The following PDIA4 variants were observed in gnomAD, a reference collection of about 807,000 sequenced individuals.
PDIA4 encodes the protein protein disulfide-isomerase A4.
In PDIA4, 33 loss-of-function variants were observed where a neutral mutation model predicts 62.1. The observed-to-expected ratio is 0.53, with a 90% confidence interval of 0.40 to 0.71. The LOEUF (loss-of-function observed/expected upper bound fraction) is 0.71. Among genes scored for constraint, PDIA4 ranks in the 30% least tolerant of loss-of-function variants. The probability of loss-of-function intolerance (pLI) is 0.00; values close to 1 mark genes in which losing one functional copy is unlikely to be tolerated. For missense variants in PDIA4, 804 were observed against 813.6 expected (o/e 0.99, Z 0.14); for synonymous variants, 341 against 324.1 (o/e 1.05, Z -0.56).
chr7:149,014,026 C>A (rs1824042304), intron 4 of PDIA4, among the ~76,000 whole-genome samples: 1 of 152,002 alleles, frequency 6.6e-6, no homozygotes, highest in African/African-American at 2.4e-5. Flanking sequence ...GTCCCAGACG[C>A]TTCCTTCCTT....
Position 149,008,266 on chromosome 7 carries a change from T to C in PDIA4, c.1024A>G (p.Thr342Ala). The C allele has an allele frequency of 1.9e-6, 3 of 1,614,042 alleles. No homozygotes were observed. The highest frequency in any genetic ancestry group is 2.5e-6 in the Non-Finnish European group (3 of 1,179,936). Residue 342 changes from threonine (T) to alanine (A), a missense_variant, in exon 7 of 10, where the codon ACA becomes GCA. Thr to Ala is a moderately conservative substitution (Grantham distance 58). Coordinates refer to ENST00000652332, the MANE Select transcript of PDIA4 (RefSeq NM_004911.5). ...ACTTTCAAGAACTTTGCTATTTCTG[T>C]GCTGAAAGTGTGGTGAAATTTGTAA... The part of the protein sequence containing the change: ...EDYKFHHTFS[T>A]EIAKFLKVSQ...
Position 149,011,861 on chromosome 7 carries a change from G to T in PDIA4, c.964C>A (p.Gln322Lys). Residue 322 changes from glutamine to lysine, a missense_variant, in exon 6 of 10, where the codon CAA becomes AAA. Transcript: ENST00000652332. ...FKGESDPAYQ[Q>K]YQDAANNLRE... is the part of the protein sequence containing the mutation. ...CACAACTCACCGGCATCCTGGTATT[G>T]CTGGTAGGCTGGGTCACTCTCCCCC... is the stretch of plus-strand genomic sequence containing the variant. 1.3e-6 allele frequency: 2 copies of T among 1,574,900 alleles called. No individual in the cohort carries two copies. Among genetic ancestry groups the T allele is most frequent in the Non-Finnish European group, 1.7e-6 (2 of 1,159,960 alleles).
At chr7:149,011,651 C>G (rs900985855) in intron 6 of PDIA4, among the ~76,000 whole-genome samples, 195 bp downstream of exon 6, 1 of 152,184 alleles carries the variant, frequency 6.6e-6, no homozygotes, top group Admixed American at 6.5e-5. Context: ...TCCCCTGCAC[C>G]GAGGCCAGGA....
chr7:149,027,766 G>A lies in PDIA4; in HGVS notation c.88+555C>T, dbSNP rs557674249. ...AGTAAATGCTAAATGCAGAAGGAAT[G>A]GTATCTCTAGTTTCTCAAAGGTGCA... is the stretch of plus-strand genomic sequence containing the variant. On this transcript the variant is annotated intron_variant, in intron 1 of 9. Transcript: ENST00000652332. 6.8e-4 allele frequency: 297 copies of A among 439,050 alleles called. 1 individual carries two copies. Among genetic ancestry groups the A allele is most frequent in the South Asian group, 4.8e-3 (283 of 58,912 alleles). 27.2% of individuals were successfully genotyped at this position (439,050 alleles called of 1,614,324 possible).
intron 1 of PDIA4, 40 bp downstream of exon 1, chr7:149,028,281 C>T: frequency 1.4e-6 from 2 of 1,451,086 alleles, no homozygotes; most frequent in East Asian, 2.6e-5. Context: ...TCTGCAGCCC[C>T]CGCAAGCACA....
In PDIA4 at chr7:149,008,260, T is replaced by C. The variant is rs771048422; in HGVS notation, c.1030A>G (p.Ile344Val). 2.3e-5 allele frequency: 37 copies of C among 1,613,992 alleles called. No homozygotes were observed. The highest frequency in any genetic ancestry group is 3.1e-5 in the Non-Finnish European group (36 of 1,179,962). ...TGGGAGACTTTCAAGAACTTTGCTA[T>C]TTCTGTGCTGAAAGTGTGGTGAAAT... ...YKFHHTFSTE[I>V]AKFLKVSQGQ... Residue 344 changes from isoleucine (I) to valine (V), a missense_variant, in exon 7 of 10, where the codon ATA becomes GTA. Physicochemically the swap from Ile to Val is conservative, Grantham distance 29. Coordinates refer to ENST00000652332, the MANE Select transcript of PDIA4 (RefSeq NM_004911.5).
intron 3 of PDIA4, among the ~76,000 whole-genome samples, chr7:149,018,144 G>A (rs1199729760): frequency 6.6e-6 from 1 of 151,898 alleles, no homozygotes; most frequent in Non-Finnish European, 1.5e-5. Flanking sequence ...CAGAAGAATC[G>A]CTTGAACCCA....
At chr7:149,006,528 G>A (rs1432628382) in intron 7 of PDIA4, among the ~76,000 whole-genome samples, 1 of 152,240 alleles carries the variant, frequency 6.6e-6, no homozygotes, top group Non-Finnish European at 1.5e-5. Context: ...GCCCAAGGCT[G>A]CGCAGCCAGC....
chr7:149,014,957 A>C lies in PDIA4; in HGVS notation c.561T>G (p.Phe187Leu). ...EVTLVLTKEN[F>L]DEVVNDADII... ...TATCTGCATCATTCACAACTTCATCAAAGTTCTCTTTGGTCAACACAAGCG... is the reference window on the plus strand; with the variant it reads ...TATCTGCATCATTCACAACTTCATCCAAGTTCTCTTTGGTCAACACAAGCG... The change falls in exon 4 of 10, where the codon TTT (phenylalanine) becomes TTG (leucine). Residue 187 changes from phenylalanine to leucine, a missense_variant. By Grantham distance (22) the Phe-to-Leu change is conservative (BLOSUM62 0). Coordinates refer to ENST00000652332, the MANE Select transcript of PDIA4 (RefSeq NM_004911.5). 2 of 1,614,134 alleles carry C rather than the reference A, an allele frequency of 1.2e-6. No homozygotes were observed. Among genetic ancestry groups the C allele is most frequent in the Non-Finnish European group, 1.7e-6 (2 of 1,179,986 alleles).
chr7:149,003,638 T>G lies in PDIA4; in HGVS notation c.*156A>C. The G allele has an allele frequency of 4.0e-6, 2 of 497,600 alleles. No individual in the cohort carries two copies. Among genetic ancestry groups the G allele is most frequent in the Non-Finnish European group, 6.9e-6 (2 of 289,406 alleles). The allele number at this position is 497,600 out of a possible 1,614,324, so 30.8% of individuals were successfully genotyped here. On this transcript the variant is annotated 3_prime_UTR_variant, in exon 10 of 10. Transcript: ENST00000652332. Reference sequence around the variant, plus strand: ...TCAGTCATTCATGGTTATTCAGTATTCAGAGCATGAAGTGAAACACCAAAG... The same window carrying G: ...TCAGTCATTCATGGTTATTCAGTATGCAGAGCATGAAGTGAAACACCAAAG...
chr7:149,015,352 C>T (rs1824092395), intron 3 of PDIA4, among the ~76,000 whole-genome samples: 1 of 152,106 alleles, frequency 6.6e-6, no homozygotes, highest in African/African-American at 2.4e-5. Flanking sequence ...TCCACGCAAA[C>T]CCTCACCAAC....
chr7:149,014,492 T>G (rs1414872658), intron 4 of PDIA4, among the ~76,000 whole-genome samples: 3 of 152,076 alleles, frequency 2.0e-5, no homozygotes, highest in Non-Finnish European at 4.4e-5. Context: ...GAGAGCCGTC[T>G]TCTTCCGCTC....
In PDIA4 at chr7:149,012,265, G is replaced by C. The variant is rs1443919505; in HGVS notation, c.710C>G (p.Ala237Gly). The change falls in exon 5 of 10, where the codon GCC becomes GGC. Residue 237 changes from alanine to glycine, a missense_variant. Transcript: ENST00000652332. The part of the protein sequence containing the change: ...SPPIPLAKVD[A>G]TAETDLAKRF... ...CTTGGCCAGGTCTGTTTCTGCGGTGGCGTCGACCTTTGCCAGGGGAATTGG... is the reference window on the plus strand; with the variant it reads ...CTTGGCCAGGTCTGTTTCTGCGGTGCCGTCGACCTTTGCCAGGGGAATTGG... 6.2e-7 allele frequency: 1 copy of C among 1,614,174 alleles called. No individual in the cohort carries two copies. The highest frequency in any genetic ancestry group is 1.7e-5 in the Admixed American group (1 of 60,022).
At chr7:149,005,757 C>T in intron 8 of PDIA4, 140 bp downstream of exon 8, 1 of 636,812 alleles carries the variant, frequency 1.6e-6, no homozygotes, top group Non-Finnish European at 2.6e-6. Flanking sequence ...ACCTGAGCCA[C>T]CAACGTGCAA....
intron 8 of PDIA4, 37 bp from the exon 9 acceptor site, chr7:149,005,411 A>G: frequency 7.3e-7 from 1 of 1,363,456 alleles, no homozygotes; most frequent in South Asian, 1.2e-5. Flanking sequence ...AGGCGGCCAC[A>G]CAGAGCAAGT....
intron 1 of PDIA4, 46 bp downstream of exon 1, chr7:149,028,275 C>T: frequency 1.4e-6 from 2 of 1,408,490 alleles, no homozygotes; most frequent in South Asian, 1.3e-5. Context: ...CACAGCTCTG[C>T]AGCCCCCGCA....
chr7:149,024,841 A>T (rs1824489224), intron 1 of PDIA4, among the ~76,000 whole-genome samples: 1 of 116,698 alleles, frequency 8.6e-6, no homozygotes, highest in African/African-American at 2.9e-5. Flanking sequence ...AAAAAAAAAA[A>T]AGGCCAGGTG....
rs141635283 is a variant in PDIA4 at position 149,005,594 on chromosome 7, C to T, written c.1289-220G>A. On this transcript the variant is annotated intron_variant, in intron 8 of 9. Coordinates refer to ENST00000652332, the MANE Select transcript of PDIA4 (RefSeq NM_004911.5). The stretch of plus-strand genomic sequence containing the variant: ...CCTTAAGACCTGTGCCCAGGTGGCA[C>T]GGCCACGCCTGCCTGGGGCCAGGGC... Among the ~76,000 whole-genome samples, 330 of 152,348 alleles carry T rather than the reference C, an allele frequency of 2.2e-3. 1 individual carries two copies. The highest frequency in any genetic ancestry group is 7.6e-3 in the African/African-American group (314 of 41,578).
chr7:149,017,603 A>T (rs1292258923), intron 3 of PDIA4, among the ~76,000 whole-genome samples: 1 of 78,754 alleles, frequency 1.3e-5, no homozygotes, highest in Non-Finnish European at 2.8e-5. Flanking sequence ...AATACATTTT[A>T]TCAAAATAAA....
Sources: gnomAD v4.1 joint callset for allele counts (sites outside exome capture counted in the v4.1 genomes callset) on GRCh38, gnomAD v4.1.1 for gene constraint, MANE v1.5 for transcripts, NCBI Gene and HGNC (gene_info 2026-07-23, HGNC 2026-07-21) for gene names.